The following MPP7 variants were observed in gnomAD, a reference collection of about 807,000 sequenced individuals.
MPP7 encodes the protein MAGUK p55 subfamily member 7.
In MPP7, 60 loss-of-function variants were observed where a neutral mutation model predicts 76.5. That is an observed-to-expected ratio of 0.78 (90% CI 0.64 to 0.97). MPP7 has a LOEUF of 0.97. Ranked by LOEUF, MPP7 falls within the 50% of genes least tolerant of loss-of-function variation. The pLI is 0.00. For missense variants in MPP7, 641 were observed against 694.0 expected (o/e 0.92, Z 0.86); for synonymous variants, 237 against 244.5 (o/e 0.97, Z 0.29).
intron 4 of MPP7, among the ~76,000 whole-genome samples, chr10:28,148,895 G>C (rs1016208689): frequency 6.6e-6 from 1 of 152,002 alleles, no homozygotes; most frequent in African/African-American, 2.4e-5. Flanking sequence ...ATTTTTTAAG[G>C]CTTTCGTGCC....
At chr10:28,198,201 C>T (rs1476031648) in intron 3 of MPP7, among the ~76,000 whole-genome samples, 1 of 152,144 alleles carries the variant, frequency 6.6e-6, no homozygotes, top group Non-Finnish European at 1.5e-5. Flanking sequence ...ACTAACAATT[C>T]CATATTCTTA....
chr10:28,157,774 T>C (rs1453745553), intron 3 of MPP7, among the ~76,000 whole-genome samples: 4 of 152,196 alleles, frequency 2.6e-5, no homozygotes, highest in Admixed American at 1.3e-4. Context: ...GGTACCCACA[T>C]TCATCTCTGA....
chr10:28,081,743 G>A (rs1211685681), intron 12 of MPP7, among the ~76,000 whole-genome samples: 7 of 150,758 alleles, frequency 4.6e-5, no homozygotes, highest in Admixed American at 4.6e-4. Flanking sequence ...AATGGCTTTG[G>A]AAACACTGGG....
At chr10:28,177,260 C>CAAAAAA (rs57984876) in intron 3 of MPP7, among the ~76,000 whole-genome samples, 2 of 104,178 alleles carry the variant, frequency 1.9e-5, no homozygotes, top group African/African-American at 3.8e-5. Context: ...ACTAAAAATG[C>CAAAAAA]AAAAAAAAAA....
chr10:28,334,922 A>G (rs1275043764), upstream of MPP7, among the ~76,000 whole-genome samples: 4 of 152,190 alleles, frequency 2.6e-5, no homozygotes, highest in Non-Finnish European at 5.9e-5. Flanking sequence ...CACAAGCAAC[A>G]CGTTTTTGAA....
At chr10:28,202,362 C>T (rs527716506) in intron 2 of MPP7, 91 bp from the exon 3 acceptor site, 2 of 790,132 alleles carry the variant, frequency 2.5e-6, no homozygotes, top group East Asian at 2.7e-5. Context: ...TGGAACATGC[C>T]AATTTTACTG....
chr10:28,054,094 A>C lies in MPP7; in HGVS notation c.1702T>G (p.Trp568Gly). 6.2e-7 allele frequency: 1 copy of C among 1,613,840 alleles called. No individual in the cohort carries two copies. The highest frequency in any genetic ancestry group is 8.5e-7 in the Non-Finnish European group (1 of 1,179,914). ...GAATGTAACCAGCTCACTGGCACCC[A>C]ATGGGTCTCTGTCTCTAATTTGTCA... ...TFDKLETETH[W>G]VPVSWLHS The change falls in exon 17 of 17, where the codon TGG becomes GGG. Residue 568 changes from tryptophan to glycine, a missense_variant. Transcript: ENST00000683449.
At chr10:28,077,552 T>C (rs914178439) in intron 12 of MPP7, among the ~76,000 whole-genome samples, 1 of 152,146 alleles carries the variant, frequency 6.6e-6, no homozygotes, top group Non-Finnish European at 1.5e-5. Context: ...CGTATCCTCT[T>C]TCTAGGGTTA....
chr10:28,148,125 C>G (rs1307666014), intron 4 of MPP7, among the ~76,000 whole-genome samples: 1 of 152,110 alleles, frequency 6.6e-6, no homozygotes, highest in East Asian at 1.9e-4. Flanking sequence ...TAAATACCAA[C>G]CAATCATAGT....
chr10:28,163,164 C>G (rs987861354), intron 3 of MPP7, among the ~76,000 whole-genome samples: 1 of 152,144 alleles, frequency 6.6e-6, no homozygotes, highest in Non-Finnish European at 1.5e-5. Context: ...TCCCTGTGAT[C>G]TGGTCTCTCT....
At chr10:28,109,355 T>C (rs1834423887) in intron 11 of MPP7, among the ~76,000 whole-genome samples, 2 of 152,162 alleles carry the variant, frequency 1.3e-5, no homozygotes, top group South Asian at 4.1e-4. Context: ...TTAGAAGTGT[T>C]GATTAATTCA....
intron 13 of MPP7, among the ~76,000 whole-genome samples, chr10:28,066,763 G>T (rs552482196): frequency 4.9e-4 from 74 of 152,190 alleles, no homozygotes; most frequent in African/African-American, 1.5e-3. Context: ...ATGAAATCAC[G>T]CTGCCTCATT....
At chr10:28,096,277 G>A (rs1853567492) in intron 11 of MPP7, among the ~76,000 whole-genome samples, 1 of 152,140 alleles carries the variant, frequency 6.6e-6, no homozygotes, top group African/African-American at 2.4e-5. Context: ...ATTCCCACCA[G>A]CAGTATGTAC....
intron 5 of MPP7, among the ~76,000 whole-genome samples, chr10:28,140,320 G>A (rs1170273065): frequency 6.6e-6 from 1 of 152,098 alleles, no homozygotes; most frequent in Non-Finnish European, 1.5e-5. Context: ...ACACCAGCCT[G>A]GCCAAAATGG....
At chr10:28,246,045 A>AAGGG (rs1486922055) in intron 1 of MPP7, among the ~76,000 whole-genome samples, 2 of 152,130 alleles carry the variant, frequency 1.3e-5, no homozygotes, top group African/African-American at 4.8e-5. Context: ...AGAACAGAGA[A>AAGGG]AGGGACATGG....
chr10:28,310,817 C>A (rs187773136), intron 2 of MPP7, among the ~76,000 whole-genome samples: 2 of 152,170 alleles, frequency 1.3e-5, no homozygotes, highest in African/African-American at 4.8e-5. Context: ...ATCTGATAGA[C>A]TCATTGGAAT....
chr10:28,327,386 A>G (rs1564773788), intron 2 of MPP7, among the ~76,000 whole-genome samples: 2 of 152,278 alleles, frequency 1.3e-5, no homozygotes, highest in East Asian at 3.9e-4. Context: ...CAGCTGGAAA[A>G]AAAAAATTTA....
intron 12 of MPP7, among the ~76,000 whole-genome samples, chr10:28,082,995 G>C (rs1003131494): frequency 1.3e-5 from 2 of 152,272 alleles, no homozygotes; most frequent in African/African-American, 4.8e-5. Flanking sequence ...TAGAAAGTAG[G>C]TGTTTTTATT....
At chr10:28,323,261 T>G (rs183847153) in intron 2 of MPP7, among the ~76,000 whole-genome samples, 19 of 151,854 alleles carry the variant, frequency 1.3e-4, no homozygotes, top group African/African-American at 4.6e-4. Flanking sequence ...CTCCAGCCTG[T>G]GTGACAGAGC....
Sources: allele counts gnomAD v4.1 joint callset (sites outside exome capture counted in the v4.1 genomes callset), GRCh38; gene constraint gnomAD v4.1.1; transcripts MANE v1.5; gene names NCBI Gene and HGNC (gene_info 2026-07-23, HGNC 2026-07-21).